The following MAGI2 variants were observed in gnomAD, a reference collection of about 807,000 sequenced individuals.
The protein encoded by MAGI2 is membrane-associated guanylate kinase, WW and PDZ domain-containing protein 2.
MAGI2 carries 35 observed loss-of-function variants against 133.3 expected under a neutral mutation model. That is an observed-to-expected ratio of 0.26 (90% CI 0.20 to 0.35). The LOEUF (loss-of-function observed/expected upper bound fraction) is 0.35, where lower values mean the gene tolerates loss of function less well. Ranked by LOEUF, MAGI2 falls within the 10% of genes least tolerant of loss-of-function variation. MAGI2 has a pLI of 1.00. For missense variants in MAGI2, 1,636 were observed against 1,863.4 expected, an observed-to-expected ratio of 0.88 and a Z score of 2.25; for synonymous variants, 729 against 710.6, an observed-to-expected ratio of 1.03 and a Z score of -0.41.
At chr7:78,934,172 G>A (rs539496267) in intron 2 of MAGI2, among the ~76,000 whole-genome samples, 389 of 152,238 alleles carry the variant, frequency 2.6e-3, no homozygotes, top group African/African-American at 8.8e-3. Context: ...TGCAATCTCA[G>A]CTCACTGCAA....
In MAGI2 at chr7:79,453,662, G is replaced by A; in HGVS notation, c.-342C>T. ...GCGAGCAGTAGCCGAGCTGGTGAGC[G>A]GGTGTGGTGGGGGTGGGGAAGGAGG... On this transcript the variant is annotated 5_prime_UTR_variant, in exon 1 of 22. Transcript: ENST00000354212. 1.8e-6 allele frequency: 1 copy of A among 566,646 alleles called. No individual in the cohort carries two copies. 35.1% of individuals were successfully genotyped at this position (566,646 alleles called of 1,614,324 possible).
intron 2 of MAGI2, among the ~76,000 whole-genome samples, chr7:78,630,629 C>G (rs1440063320): frequency 6.6e-6 from 1 of 151,854 alleles, no homozygotes; most frequent in Admixed American, 6.6e-5. Flanking sequence ...GTTGGCCAGG[C>G]TGGTCTCAAT....
intron 6 of MAGI2, among the ~76,000 whole-genome samples, chr7:78,372,800 A>T (rs1794055824): frequency 6.6e-6 from 1 of 152,158 alleles, no homozygotes. Context: ...TATATTTTTT[A>T]AATTTAATTG....
chr7:78,625,850 C>A (rs949558126), intron 3 of MAGI2, among the ~76,000 whole-genome samples: 1 of 152,158 alleles, frequency 6.6e-6, no homozygotes, highest in Non-Finnish European at 1.5e-5. Context: ...ACATGCCATA[C>A]AGGTTTGTAG....
chr7:79,090,494 C>G (rs1816950358), intron 1 of MAGI2, among the ~76,000 whole-genome samples: 1 of 152,074 alleles, frequency 6.6e-6, no homozygotes, highest in African/African-American at 2.4e-5. Context: ...AAACATCCCA[C>G]AGAATATTAG....
chr7:78,328,097 T>C (rs2151141416), intron 9 of MAGI2, among the ~76,000 whole-genome samples: 1 of 152,284 alleles, frequency 6.6e-6, no homozygotes, highest in South Asian at 2.1e-4. Context: ...CAGGCAATCC[T>C]AGAAACTGCC....
At chr7:79,011,413 G>A (rs1405277599) in intron 1 of MAGI2, among the ~76,000 whole-genome samples, 1 of 152,094 alleles carries the variant, frequency 6.6e-6, no homozygotes, top group Middle Eastern at 3.2e-3. Context: ...CAAAATTTGA[G>A]GGAGAAACAT....
chr7:79,383,137 TG>T (rs950431539), intron 1 of MAGI2, among the ~76,000 whole-genome samples: 11 of 151,632 alleles, frequency 7.3e-5, no homozygotes, highest in African/African-American at 2.7e-4. Flanking sequence ...CTAGGACCAT[TG>T]GTGGCTTTTT....
At chr7:78,411,022 C>T (rs1351102282) in intron 6 of MAGI2, among the ~76,000 whole-genome samples, 2 of 151,774 alleles carry the variant, frequency 1.3e-5, no homozygotes, top group Non-Finnish European at 2.9e-5. Context: ...AATAAAATAT[C>T]CAGAAAAAAA....
At chr7:79,028,606 C>T (rs1426411305) in intron 1 of MAGI2, among the ~76,000 whole-genome samples, 7 of 151,774 alleles carry the variant, frequency 4.6e-5, no homozygotes, top group African/African-American at 1.2e-4. Flanking sequence ...ACTGCTTTTC[C>T]ACATTTGTAA....
At chr7:78,710,725 A>T (rs1819103728) in intron 2 of MAGI2, among the ~76,000 whole-genome samples, 1 of 152,140 alleles carries the variant, frequency 6.6e-6, no homozygotes, top group Non-Finnish European at 1.5e-5. Context: ...AAACATATGC[A>T]GTTCTTGAAA....
chr7:78,226,511 A>G (rs1789403391), intron 10 of MAGI2, among the ~76,000 whole-genome samples: 1 of 152,214 alleles, frequency 6.6e-6, no homozygotes, highest in Admixed American at 6.5e-5. Context: ...TGCCACTGGC[A>G]GCGAATGAGA....
intron 6 of MAGI2, among the ~76,000 whole-genome samples, chr7:78,444,496 G>T (rs1176491635): frequency 6.6e-6 from 1 of 151,994 alleles, no homozygotes; most frequent in African/African-American, 2.4e-5. Flanking sequence ...AAAAGAGGAA[G>T]AGACATGTGT....
At chr7:78,438,016 AGTT>A (rs1787217047) in intron 6 of MAGI2, among the ~76,000 whole-genome samples, 1 of 152,194 alleles carries the variant, frequency 6.6e-6, no homozygotes, top group African/African-American at 2.4e-5. Context: ...GTTTGTTATT[AGTT>A]GTTGTTTATG....
intron 9 of MAGI2, among the ~76,000 whole-genome samples, chr7:78,326,941 T>C (rs1219781681): frequency 1.3e-5 from 2 of 152,178 alleles, no homozygotes; most frequent in African/African-American, 2.4e-5. Flanking sequence ...TCTCTCTCTC[T>C]TTAACTGGTT....
intron 9 of MAGI2, among the ~76,000 whole-genome samples, chr7:78,302,201 T>C (rs1797889309): frequency 6.6e-6 from 1 of 152,256 alleles, no homozygotes; most frequent in Admixed American, 6.5e-5. Context: ...TTCTTCCTAT[T>C]TGTACCATTT....
chr7:78,936,574 A>G (rs1266033259), intron 2 of MAGI2, among the ~76,000 whole-genome samples: 1 of 152,026 alleles, frequency 6.6e-6, no homozygotes, highest in Non-Finnish European at 1.5e-5. Context: ...AAAACCTGAA[A>G]AGAATAACAC....
intron 2 of MAGI2, among the ~76,000 whole-genome samples, chr7:78,931,816 T>G (rs138564009): frequency 6.6e-6 from 1 of 151,968 alleles, no homozygotes; most frequent in East Asian, 1.9e-4. Context: ...AATTCTGAGT[T>G]AAGTTTTTAA....
rs1163527769 is a variant in MAGI2, at chr7:79,453,119, C to T, written c.202G>A (p.Glu68Lys). 1.9e-6 allele frequency: 3 copies of T among 1,613,840 alleles called. No homozygotes were observed. Among genetic ancestry groups the T allele is most frequent in the Non-Finnish European group, 2.5e-6 (3 of 1,180,044 alleles). Residue 68 changes from glutamate to lysine, a missense_variant, in exon 1 of 22, where the codon GAG becomes AAG. Physicochemically the swap from Glu to Lys is moderately conservative, Grantham distance 56. Around this residue, in one of 5 missense-constraint regions of MAGI2, gnomAD observed 148 missense variants for 239.0 expected, o/e 0.62. Coordinates refer to ENST00000354212, the MANE Select transcript of MAGI2 (RefSeq NM_012301.4). ...CCCGCCACGGGGGTCTCGTTCACCT[C>T]CAGCAGCAGCTCCTCCGACACCAAT... is the stretch of plus-strand genomic sequence containing the variant. ...SKLVSEELLLEVNETPVAGLT... is the reference protein window; with the variant it reads ...SKLVSEELLLKVNETPVAGLT...
Sources: allele counts gnomAD v4.1 joint callset (sites outside exome capture counted in the v4.1 genomes callset), GRCh38; gene constraint gnomAD v4.1.1; regional missense constraint gnomAD v4.1.1; transcripts MANE v1.5; gene names NCBI Gene and HGNC (gene_info 2026-07-23, HGNC 2026-07-21).